The following ANKS1A variants were observed in gnomAD, a reference collection of about 807,000 sequenced individuals.
ANKS1A encodes the protein ankyrin repeat and SAM domain-containing protein 1A.
ANKS1A carries 55 observed loss-of-function variants against 120.3 expected under a neutral mutation model. The observed-to-expected ratio is 0.46, with a 90% confidence interval of 0.37 to 0.57. The LOEUF (loss-of-function observed/expected upper bound fraction) is 0.57, where lower values mean the gene tolerates loss of function less well. ANKS1A is among the 20% of genes least tolerant of loss of function. The pLI, the probability that ANKS1A is intolerant of heterozygous loss-of-function variation, is 0.00. For missense variants in ANKS1A, 1,123 were observed against 1,480.3 expected, an observed-to-expected ratio of 0.76 and a Z score of 3.96; for synonymous variants, 590 against 604.7, an observed-to-expected ratio of 0.98 and a Z score of 0.36.
At chr6:34,964,896 A>T (rs1770817769) in intron 1 of ANKS1A, among the ~76,000 whole-genome samples, 2 of 152,202 alleles carry the variant, frequency 1.3e-5, no homozygotes, top group Non-Finnish European at 2.9e-5. Context: ...AACACTTGAT[A>T]ATATCATTAT....
At chr6:34,892,885 C>G (rs1017821741) in intron 1 of ANKS1A, among the ~76,000 whole-genome samples, 2 of 152,192 alleles carry the variant, frequency 1.3e-5, no homozygotes, top group African/African-American at 2.4e-5. Flanking sequence ...GCAAAGAAGA[C>G]TTCTACTAGA....
intron 11 of ANKS1A, among the ~76,000 whole-genome samples, chr6:35,040,368 C>G (rs746710713): frequency 2.4e-4 from 37 of 152,352 alleles, no homozygotes; most frequent in African/African-American, 8.2e-4. Context: ...CTCCTGCGGC[C>G]CTCGTCTTCC....
intron 11 of ANKS1A, among the ~76,000 whole-genome samples, chr6:35,030,486 T>C (rs372561691): frequency 1.3e-5 from 2 of 152,348 alleles, no homozygotes; most frequent in South Asian, 4.1e-4. Flanking sequence ...TCCAGCTCCC[T>C]TATGAACAAA....
intron 10 of ANKS1A, among the ~76,000 whole-genome samples, chr6:35,008,846 T>A (rs889578145): frequency 6.6e-6 from 1 of 152,150 alleles, no homozygotes; most frequent in Non-Finnish European, 1.5e-5. Flanking sequence ...ATTAACGAAA[T>A]CACACTTGAG....
intron 1 of ANKS1A, among the ~76,000 whole-genome samples, chr6:34,950,078 T>C (rs770154083): frequency 6.6e-6 from 1 of 152,130 alleles, no homozygotes; most frequent in Non-Finnish European, 1.5e-5. Context: ...TTCTGACACT[T>C]CTTAAAATGG....
chr6:35,040,110 A>G (rs1238447587), intron 11 of ANKS1A, among the ~76,000 whole-genome samples: 1 of 152,248 alleles, frequency 6.6e-6, no homozygotes, highest in African/African-American at 2.4e-5. Context: ...ATTTGAGGGA[A>G]CAGAACTCAG....
intron 12 of ANKS1A, among the ~76,000 whole-genome samples, chr6:35,054,725 C>T (rs1776123680): frequency 6.6e-6 from 1 of 152,184 alleles, no homozygotes; most frequent in African/African-American, 2.4e-5. Flanking sequence ...TTTTCTAAGC[C>T]CTAGTAGTGA....
intron 8 of ANKS1A, among the ~76,000 whole-genome samples, chr6:34,988,551 G>A (rs576703851): frequency 7.9e-5 from 12 of 152,160 alleles, no homozygotes; most frequent in South Asian, 2.1e-4. Flanking sequence ...AGCCGAGATC[G>A]CGCCACTGCA....
intron 1 of ANKS1A, among the ~76,000 whole-genome samples, chr6:34,907,088 C>T (rs1767682304): frequency 2.0e-5 from 3 of 152,136 alleles, no homozygotes; most frequent in African/African-American, 7.2e-5. Context: ...AAAACAGAAA[C>T]ACAAATTGAA....
intron 11 of ANKS1A, among the ~76,000 whole-genome samples, chr6:35,019,982 C>T (rs985483664): frequency 6.6e-6 from 1 of 151,888 alleles, no homozygotes; most frequent in Non-Finnish European, 1.5e-5. Flanking sequence ...GCTGGTGGGA[C>T]GAGGAGAGGT....
chr6:34,896,693 A>T (rs1415390805), intron 1 of ANKS1A, among the ~76,000 whole-genome samples: 2 of 152,174 alleles, frequency 1.3e-5, no homozygotes, highest in African/African-American at 2.4e-5. Context: ...GGCCAGGCGC[A>T]GTGGCTCACG....
At chr6:35,025,442 C>G (rs1774572932) in intron 11 of ANKS1A, among the ~76,000 whole-genome samples, 1 of 151,930 alleles carries the variant, frequency 6.6e-6, no homozygotes, top group Non-Finnish European at 1.5e-5. Flanking sequence ...GCACCTCTCT[C>G]TCCCGCTTGC....
intron 1 of ANKS1A, among the ~76,000 whole-genome samples, chr6:34,957,301 T>TAC (rs996978678): frequency 1.3e-5 from 2 of 152,248 alleles, no homozygotes; most frequent in African/African-American, 4.8e-5. Context: ...CCTTGAAGAT[T>TAC]ACAAGCTTCT....
At chr6:34,897,762 T>A (rs1767164946) in intron 1 of ANKS1A, among the ~76,000 whole-genome samples, 1 of 152,200 alleles carries the variant, frequency 6.6e-6, no homozygotes, top group South Asian at 2.1e-4. Flanking sequence ...TAGATCAAGT[T>A]TGTTTAGTTT....
At chr6:34,902,802 C>CAA (rs11426793) in intron 1 of ANKS1A, among the ~76,000 whole-genome samples, 22 of 75,272 alleles carry the variant, frequency 2.9e-4, no homozygotes, top group South Asian at 1.5e-3. Context: ...GACTCCGTCT[C>CAA]AAAAAAAAAA....
At chr6:34,912,827 A>G (rs144713839) in intron 1 of ANKS1A, among the ~76,000 whole-genome samples, 74 of 152,202 alleles carry the variant, frequency 4.9e-4, no homozygotes, top group African/African-American at 1.8e-3. Flanking sequence ...GCTTTTGTGT[A>G]TTTGTGTGGC....
chr6:35,038,512 C>T (rs1387844404), intron 11 of ANKS1A, among the ~76,000 whole-genome samples: 2 of 152,062 alleles, frequency 1.3e-5, no homozygotes, highest in Non-Finnish European at 2.9e-5. Flanking sequence ...GACAGGGCCC[C>T]ACTCTGTTGC....
intron 11 of ANKS1A, among the ~76,000 whole-genome samples, chr6:35,023,289 C>T (rs762076753): frequency 2.3e-4 from 35 of 152,128 alleles, no homozygotes; most frequent in Non-Finnish European, 3.7e-4. Flanking sequence ...CAATTTGTGC[C>T]GTCTTTTCCT....
chr6:34,889,827 G>T lies in ANKS1A; in HGVS notation c.197+228G>T, dbSNP rs559823642. 5.3e-5 allele frequency among the ~76,000 whole-genome samples: 8 copies of T among 152,284 alleles called. No individual in the cohort carries two copies. In the South Asian group the frequency reaches 1.7e-3, roughly 32 times the overall value. On this transcript the variant is annotated intron_variant, in intron 1 of 23. Coordinates refer to ENST00000360359, the MANE Select transcript of ANKS1A (RefSeq NM_015245.3). This position sits in a 1 kb window ranked among gnomAD's most constrained non-coding sequence, Gnocchi z 5.5. The stretch of plus-strand genomic sequence containing the variant: ...CCGTTCTGACCCGGCTGCGAAGAAT[G>T]GTGGGAGTGCCCAGGTGGCAGCCTC...
Sources: allele counts gnomAD v4.1 joint callset (sites outside exome capture counted in the v4.1 genomes callset), GRCh38; gene constraint gnomAD v4.1.1; non-coding constraint Gnocchi (gnomAD v3.1); transcripts MANE v1.5; gene names NCBI Gene and HGNC (gene_info 2026-07-23, HGNC 2026-07-21).